Variants in NEBL observed in about 807,000 individuals in gnomAD.
NEBL encodes the protein LIM and SH3 protein 2.
In NEBL, 122 loss-of-function variants were observed where a neutral mutation model predicts 140.2. The observed-to-expected ratio is 0.87, with a 90% CI of 0.75 to 1.01. The LOEUF is 1.01. Among genes scored for constraint, NEBL ranks in the 50% least tolerant of loss-of-function variants. The probability of loss-of-function intolerance (pLI) is 0.00; values close to 1 mark genes in which losing one functional copy is unlikely to be tolerated. For synonymous variants in NEBL, 436 were observed against 398.9 expected (o/e 1.09, Z -1.11); for missense variants, 1,365 against 1,231.3 (o/e 1.11, Z -1.62).
chr10:20,808,735 G>T, intron 25 of NEBL, 76 bp from the exon 26 acceptor site: 1 of 1,451,998 alleles, frequency 6.9e-7, no homozygotes, highest in Non-Finnish European at 9.6e-7. Flanking sequence ...TTACTTAAAA[G>T]CTTAACAGAG....
At chr10:21,201,003 C>T (rs887116315) in intron 3 of NEBL, among the ~76,000 whole-genome samples, 1 of 151,964 alleles carries the variant, frequency 6.6e-6, no homozygotes, top group South Asian at 2.1e-4. Context: ...ATTGCTTGAG[C>T]CCAGGAGATC....
At chr10:20,937,875 G>A (rs1301952425) in intron 4 of NEBL, among the ~76,000 whole-genome samples, 7 of 152,290 alleles carry the variant, frequency 4.6e-5, no homozygotes, top group East Asian at 1.9e-4. Context: ...ACTGCAAGGC[G>A]GCAGCAAGGG....
rs752744578 is a variant in NEBL at position 20,809,827 on chromosome 10, T to C, written c.2590A>G (p.Arg864Gly). The change falls in exon 25 of 28, where the codon AGA (arginine) becomes GGA (glycine). Residue 864 changes from arginine (R) to glycine (G), a missense_variant. Physicochemically the swap from Arg to Gly is moderately radical, Grantham distance 125 (BLOSUM62 -2). This residue lies in a region of NEBL where 1,323 missense variants were observed against 1,154.8 expected (regional missense o/e 1.15). Coordinates refer to ENST00000377122, the MANE Select transcript of NEBL (RefSeq NM_006393.3). Reference sequence around the variant, plus strand: ...ATACCAGAGAGCATATGGAGACTTCTAGACTGAATATTGTCTTCCAGGGGA... The same window carrying C: ...ATACCAGAGAGCATATGGAGACTTCCAGACTGAATATTGTCTTCCAGGGGA... ...LDPLEDNIQS[R>G]SLHMLSEKAS... 4.3e-6 allele frequency: 7 copies of C among 1,612,566 alleles called. No homozygotes were observed. Among genetic ancestry groups the C allele is most frequent in the Non-Finnish European group, 5.9e-6 (7 of 1,178,794 alleles).
At chr10:20,932,553 C>T (rs1405249844) in intron 4 of NEBL, among the ~76,000 whole-genome samples, 2 of 152,144 alleles carry the variant, frequency 1.3e-5, no homozygotes, top group East Asian at 1.9e-4. Flanking sequence ...AACAAACCTG[C>T]ACATTCTGCA....
chr10:20,971,543 C>T (rs1252380022), intron 3 of NEBL, among the ~76,000 whole-genome samples: 3 of 150,144 alleles, frequency 2.0e-5, no homozygotes, highest in Non-Finnish European at 4.4e-5. Flanking sequence ...TGCGCTGCAC[C>T]CACTAACTCG....
intron 2 of NEBL, among the ~76,000 whole-genome samples, chr10:21,039,860 T>C (rs1834189420): frequency 6.6e-6 from 1 of 152,176 alleles, no homozygotes; most frequent in South Asian, 2.1e-4. Context: ...AGCCAATCCA[T>C]AGTTTGAAAA....
intron 25 of NEBL, among the ~76,000 whole-genome samples, chr10:20,809,478 T>C (rs1041501182): frequency 3.3e-5 from 5 of 152,200 alleles, no homozygotes; most frequent in African/African-American, 1.2e-4. Context: ...ATTATAACAA[T>C]GTATTTCATG....
chr10:21,268,509 A>T (rs1368353809), intron 1 of NEBL, among the ~76,000 whole-genome samples: 2 of 144,720 alleles, frequency 1.4e-5, no homozygotes, highest in Non-Finnish European at 3.0e-5. Context: ...CATTAAAAAT[A>T]AAAATTTTAA....
upstream of NEBL, chr10:21,174,629 T>C (rs1012019070): frequency 4.7e-4 from 72 of 152,256 alleles, no homozygotes; most frequent in African/African-American, 1.7e-3. Flanking sequence ...CCGTCTCTGC[T>C]GCGCGCAGCG....
intron 4 of NEBL, among the ~76,000 whole-genome samples, chr10:20,949,219 T>A (rs1338318601): frequency 1.3e-5 from 2 of 152,174 alleles, no homozygotes; most frequent in African/African-American, 2.4e-5. Context: ...CACTGCATGT[T>A]CTCATTCCTA....
At chr10:20,973,148 T>C (rs775361575) in intron 3 of NEBL, among the ~76,000 whole-genome samples, 2 of 152,220 alleles carry the variant, frequency 1.3e-5, no homozygotes, top group Non-Finnish European at 2.9e-5. Flanking sequence ...GTATGATTTA[T>C]TGAAGACCTA....
Position 21,213,075 on chromosome 10 carries a change from G to C in NEBL, n.348+34846C>G, listed in dbSNP as rs536289505. On this transcript the variant is annotated intron_variant and non_coding_transcript_variant, in intron 3 of 8. Transcript: ENST00000675702. The stretch of plus-strand genomic sequence containing the variant: ...TGTGCCAGGCACCGGTTGGAATTTA[G>C]CCATGTCTCATCTCACTTTATCTCA... Among the ~76,000 whole-genome samples the C allele has an allele frequency of 3.0e-4, 45 of 152,036 alleles. 1 individual carries two copies. Among genetic ancestry groups the C allele is most frequent in the Admixed American group, 2.7e-3 (41 of 15,232 alleles).
At chr10:21,093,913 A>AT (rs1045433130) in intron 2 of NEBL, among the ~76,000 whole-genome samples, 1 of 152,178 alleles carries the variant, frequency 6.6e-6, no homozygotes, top group Non-Finnish European at 1.5e-5. Flanking sequence ...CTACAGAGAT[A>AT]TTTTTTGCGG....
chr10:20,990,404 G>C (rs575254499), intron 3 of NEBL, among the ~76,000 whole-genome samples: 2 of 152,288 alleles, frequency 1.3e-5, no homozygotes, highest in African/African-American at 4.8e-5. Flanking sequence ...GGGACCTCGT[G>C]ATTGGGATTA....
At chr10:20,897,566 G>A, upstream of NEBL, 2 of 1,045,830 alleles carry the variant, frequency 1.9e-6, no homozygotes, top group South Asian at 3.3e-5. Context: ...AAAGGACTTA[G>A]AGATTCTGGG....
chr10:20,854,464 A>G (rs992218581), intron 9 of NEBL, among the ~76,000 whole-genome samples: 3 of 152,164 alleles, frequency 2.0e-5, no homozygotes, highest in Non-Finnish European at 4.4e-5. Flanking sequence ...CTTCCACTCA[A>G]TTAGGGAGCT....
At chr10:21,254,836 A>T (rs2132275322) in intron 1 of NEBL, among the ~76,000 whole-genome samples, 1 of 152,182 alleles carries the variant, frequency 6.6e-6, no homozygotes, top group Middle Eastern at 3.4e-3. Flanking sequence ...TGACTGCCTG[A>T]CCCTGGGGCT....
chr10:21,135,336 T>C (rs1839303696), intron 2 of NEBL, among the ~76,000 whole-genome samples: 1 of 152,172 alleles, frequency 6.6e-6, no homozygotes, highest in Admixed American at 6.5e-5. Flanking sequence ...AACTCCTTTG[T>C]GTGGTACTTC....
At chr10:21,227,951 A>G (rs928886587) in intron 3 of NEBL, among the ~76,000 whole-genome samples, 3 of 151,926 alleles carry the variant, frequency 2.0e-5, no homozygotes, top group Admixed American at 1.3e-4. Context: ...TGATTTTTAA[A>G]ATAGATATTT....
Sources: allele counts gnomAD v4.1 joint callset (sites outside exome capture counted in the v4.1 genomes callset), GRCh38; gene constraint gnomAD v4.1.1; regional missense constraint gnomAD v4.1.1; transcripts MANE v1.5; gene names NCBI Gene and HGNC (gene_info 2026-07-23, HGNC 2026-07-21).